Variants in NAA60 observed in about 807,000 individuals in gnomAD.
NAA60 encodes the protein N-alpha-acetyltransferase 60.
Under a neutral mutation model 26.1 loss-of-function variants are expected in NAA60, and 8 were observed. The ratio of observed to expected loss-of-function variants is 0.31; its 90% CI spans 0.18 to 0.55. The LOEUF (loss-of-function observed/expected upper bound fraction) is 0.55. Ranked by LOEUF, NAA60 falls within the 20% of genes least tolerant of loss-of-function variation. The pLI is 0.93. For missense variants in NAA60, 290 were observed against 311.3 expected (o/e 0.93, Z 0.51); for synonymous variants, 131 against 122.5 (o/e 1.07, Z -0.46).
intron 2 of NAA60, among the ~76,000 whole-genome samples, chr16:3,458,731 T>A (rs2035172413): frequency 6.6e-6 from 1 of 152,174 alleles, no homozygotes. Flanking sequence ...AGTCTTATTC[T>A]CCCAGCTTTC....
intron 2 of NAA60, among the ~76,000 whole-genome samples, chr16:3,464,464 T>C (rs989937012): frequency 3.3e-5 from 5 of 152,184 alleles, no homozygotes; most frequent in African/African-American, 9.6e-5. Flanking sequence ...GGAAGTGCTC[T>C]GAAACCCGAC....
chr16:3,461,634 C>T (rs1232802702), intron 2 of NAA60, among the ~76,000 whole-genome samples: 3 of 152,172 alleles, frequency 2.0e-5, no homozygotes, highest in South Asian at 4.1e-4. Context: ...CTTGGAATAG[C>T]ATGTATTTTG....
chr16:3,483,992 G>A (rs1383963703), intron 6 of NAA60, among the ~76,000 whole-genome samples: 1 of 152,192 alleles, frequency 6.6e-6, no homozygotes, highest in African/African-American at 2.4e-5. Flanking sequence ...GGAAACAAGT[G>A]CGGAGAGAAG....
chr16:3,459,686 T>A (rs1026536149), intron 2 of NAA60, among the ~76,000 whole-genome samples: 1 of 152,168 alleles, frequency 6.6e-6, no homozygotes, highest in African/African-American at 2.4e-5. Flanking sequence ...GTGACAATGG[T>A]TTACACTGAA....
In NAA60 at chr16:3,449,232, G is replaced by A. The variant is rs373496390; in HGVS notation, c.-7+692G>A. On this transcript the variant is annotated intron_variant, in intron 2 of 7. Coordinates refer to ENST00000407558, the MANE Select transcript of NAA60 (RefSeq NM_001083601.3). ...TACTAAAAAATACAAAAATGTAGCCGGGTGTGCTGGGCGTGGTGGCTCACG... is the reference window on the plus strand; with the variant it reads ...TACTAAAAAATACAAAAATGTAGCCAGGTGTGCTGGGCGTGGTGGCTCACG... Among the ~76,000 whole-genome samples, 9 of 151,978 alleles carry A rather than the reference G, an allele frequency of 5.9e-5. No individual in the cohort carries two copies. The East Asian group carries it at 1.2e-3, about 20-fold the overall frequency.
chr16:3,457,257 G>A (rs2035038920), intron 2 of NAA60, among the ~76,000 whole-genome samples: 1 of 152,068 alleles, frequency 6.6e-6, no homozygotes, highest in Non-Finnish European at 1.5e-5. Context: ...ACCAGCCTGG[G>A]CAACATAATG....
chr16:3,444,244 C>T (rs891623475), intron 1 of NAA60, among the ~76,000 whole-genome samples: 22 of 152,038 alleles, frequency 1.4e-4, no homozygotes, highest in African/African-American at 4.8e-4. Flanking sequence ...GGAGGGAGTG[C>T]CCTGGTGTAG....
intron 2 of NAA60, among the ~76,000 whole-genome samples, chr16:3,455,023 G>C (rs1211303119): frequency 2.6e-5 from 4 of 152,200 alleles, no homozygotes; most frequent in African/African-American, 9.7e-5. Context: ...AAGCCGTGGA[G>C]AAATAGTTAT....
At chr16:3,468,395 G>T (rs1380665779) in intron 2 of NAA60, among the ~76,000 whole-genome samples, 7 of 152,138 alleles carry the variant, frequency 4.6e-5, no homozygotes, top group African/African-American at 1.7e-4. Flanking sequence ...TAGGTTCCCT[G>T]CCTCCAGACC....
At chr16:3,473,704 CTTTTTGTTG>C (rs988636879) in intron 2 of NAA60, among the ~76,000 whole-genome samples, 12 of 137,190 alleles carry the variant, frequency 8.7e-5, no homozygotes, top group Non-Finnish European at 9.2e-5. Flanking sequence ...TTGGCCCCAG[CTTTTTGTTG>C]TTGTTGTTGT....
rs1567404381 is a variant in NAA60, at chr16:3,484,973, GT to G, written c.*119del. 6.5e-7 allele frequency: 1 copy of G among 1,529,566 alleles called. No homozygotes were observed. Among genetic ancestry groups the G allele is most frequent in the African/African-American group, 1.4e-5 (1 of 72,980 alleles). The allele number at this position is 1,529,566 out of a possible 1,614,324, so 94.7% of individuals were successfully genotyped here. On this transcript the variant is annotated 3_prime_UTR_variant, in exon 7 of 8. Transcript: ENST00000407558. ...AGCTGCCAGCCATCTAACTGGGCTC[GT>G]CGGCCTGCCCCAGCTGCAGGCCCGG...
At chr16:3,482,689 C>T in intron 5 of NAA60, 91 bp downstream of exon 5, 2 of 845,482 alleles carry the variant, frequency 2.4e-6, no homozygotes, top group Non-Finnish European at 3.7e-6. Flanking sequence ...TCTTCCCTGG[C>T]CCCAACAACT....
chr16:3,459,679 A>G (rs902073663), intron 2 of NAA60, among the ~76,000 whole-genome samples: 9 of 152,182 alleles, frequency 5.9e-5, no homozygotes, highest in Middle Eastern at 3.2e-3. Flanking sequence ...GGTTTCTGTG[A>G]CAATGGTTTA....
chr16:3,477,441 G>A (rs757446644), intron 3 of NAA60, among the ~76,000 whole-genome samples: 3 of 152,178 alleles, frequency 2.0e-5, no homozygotes, highest in Non-Finnish European at 4.4e-5. Context: ...ACCCCTGTGC[G>A]TCTTTGTGGA....
intron 1 of NAA60, chr16:3,447,550 A>T: frequency 1.0e-6 from 1 of 985,402 alleles, no homozygotes; most frequent in Non-Finnish European, 1.2e-6. Flanking sequence ...CCTTTACCGT[A>T]TCCTTCATGG....
At position 3,482,590 on chromosome 16, in the gene NAA60, A is replaced by C; in HGVS notation, c.329A>C (p.His110Pro). ...SLGVVKEFRK[H>P]GIGSLLLESL... ...GGCGTCGTGAAAGAGTTCAGGAAGC[A>C]CGGCATAGGTAAGGGCAGCCGGGCC... Residue 110 changes from histidine (H) to proline (P), a missense_variant, in exon 5 of 8, where the codon CAC becomes CCC. Transcript: ENST00000407558. 1 of 1,604,444 alleles carries C rather than the reference A, an allele frequency of 6.2e-7. No homozygotes were observed. Among genetic ancestry groups the C allele is most frequent in the Non-Finnish European group, 8.5e-7 (1 of 1,175,674 alleles).
chr16:3,450,699 C>CAAAAAAAA (rs539095336), intron 2 of NAA60, among the ~76,000 whole-genome samples: 1 of 73,602 alleles, frequency 1.4e-5, no homozygotes, highest in Non-Finnish European at 3.0e-5. Context: ...GACTCCGTCT[C>CAAAAAAAA]AAAAAAAAAA....
intron 1 of NAA60, among the ~76,000 whole-genome samples, chr16:3,445,576 A>G (rs893367920): frequency 5.3e-5 from 8 of 151,922 alleles, no homozygotes; most frequent in Non-Finnish European, 8.8e-5. Flanking sequence ...CGCCCCGCCT[A>G]TTTAATGCTA....
At chr16:3,465,307 C>A (rs1320682443) in intron 2 of NAA60, among the ~76,000 whole-genome samples, 1 of 151,888 alleles carries the variant, frequency 6.6e-6, no homozygotes, top group Non-Finnish European at 1.5e-5. Context: ...GAAACTCATC[C>A]GAAGCAAGAG....
Sources: gnomAD v4.1 joint callset for allele counts (sites outside exome capture counted in the v4.1 genomes callset) on GRCh38, gnomAD v4.1.1 for gene constraint, MANE v1.5 for transcripts, NCBI Gene and HGNC (gene_info 2026-07-23, HGNC 2026-07-21) for gene names.